The following HTATIP2 variants were observed in gnomAD, a reference collection of about 807,000 sequenced individuals.
HTATIP2 encodes HIV-1 Tat interactive protein 2.
A neutral mutation model predicts 24.7 loss-of-function variants in HTATIP2; 26 were observed. The observed-to-expected ratio is 1.05, with a 90% CI of 0.77 to 1.46. The LOEUF (loss-of-function observed/expected upper bound fraction) is 1.46. Ranked by LOEUF, HTATIP2 falls within the 40% of genes most tolerant of loss-of-function variation. The probability of loss-of-function intolerance (pLI) is 0.00; values close to 1 mark genes in which losing one functional copy is unlikely to be tolerated. For synonymous variants in HTATIP2, 99 were observed against 113.2 expected (o/e 0.87, Z 0.79); for missense variants, 284 against 289.6 (o/e 0.98, Z 0.14).
At chr11:20,380,897 T>C (rs1197609054) in intron 3 of HTATIP2, among the ~76,000 whole-genome samples, 4 of 152,118 alleles carry the variant, frequency 2.6e-5, no homozygotes, top group Non-Finnish European at 5.9e-5. Flanking sequence ...GAAAATATTA[T>C]GCTAAGTGTG....
At position 20,382,224 on chromosome 11, in the gene HTATIP2, C is replaced by A; in HGVS notation, c.488C>A (p.Ser163Tyr). 1 of 1,582,852 alleles carries A rather than the reference C, an allele frequency of 6.3e-7. No individual in the cohort carries two copies. The highest frequency in any genetic ancestry group is 8.7e-7 in the Non-Finnish European group (1 of 1,151,632). ...KVEELKFDRY[S>Y]VFRPGVLLCD... ...GAAGAATTAAAATTTGATCGTTACT[C>A]TGTATTTAGGCCTGGGTAAGTATAA... is the stretch of plus-strand genomic sequence containing the variant. The change falls in exon 4 of 5, where the codon TCT becomes TAT. Residue 163 changes from serine (S) to tyrosine (Y), a missense_variant. Coordinates refer to ENST00000451739, the MANE Select transcript of HTATIP2 (RefSeq NM_001098522.2).
chr11:20,369,188 A>T (rs1196817394), intron 2 of HTATIP2, among the ~76,000 whole-genome samples: 3 of 152,136 alleles, frequency 2.0e-5, no homozygotes, highest in Non-Finnish European at 4.4e-5. Flanking sequence ...TTTTAAGTGG[A>T]GGTTGTGGAT....
chr11:20,369,310 C>T (rs1049655944), intron 2 of HTATIP2, among the ~76,000 whole-genome samples: 1 of 152,194 alleles, frequency 6.6e-6, no homozygotes, highest in East Asian at 1.9e-4. Context: ...AACTAGTACG[C>T]TTCACTAGGG....
At chr11:20,382,929 T>C (rs754452957) in intron 4 of HTATIP2, 51 bp from the exon 5 acceptor site, 1 of 1,422,862 alleles carries the variant, frequency 7.0e-7, no homozygotes, top group African/African-American at 1.4e-5. Flanking sequence ...TCAGTGCAAT[T>C]TACCACCTCT....
chr11:20,364,403 A>G lies in HTATIP2; in HGVS notation c.166A>G (p.Thr56Ala). Residue 56 changes from threonine (T) to alanine (A), a missense_variant, in exon 1 of 5, where the codon ACC becomes GCC. By Grantham distance (58) the Thr-to-Ala change is moderately conservative. Coordinates refer to ENST00000451739, the MANE Select transcript of HTATIP2 (RefSeq NM_001098522.2). ...KVTLIGRRKL[T>A]FDEEAYKNVN... is the part of the protein sequence containing the mutation. The stretch of plus-strand genomic sequence containing the variant: ...CACGCTCATTGGCCGGAGGAAGCTC[A>G]CCTTCGACGAGGAAGCTTATAAAAA... The G allele has an allele frequency of 6.2e-7, 1 of 1,608,576 alleles. No homozygotes were observed. The highest frequency in any genetic ancestry group is 1.1e-5 in the South Asian group (1 of 90,808).
chr11:20,364,963 C>A (rs1207875955), intron 1 of HTATIP2, among the ~76,000 whole-genome samples: 2 of 150,854 alleles, frequency 1.3e-5, no homozygotes, highest in South Asian at 4.2e-4. Flanking sequence ...TCGGATATTC[C>A]CTTCACTCTA....
At position 20,383,456 on chromosome 11, in the gene HTATIP2, G is replaced by T; in HGVS notation, c.*251G>T. On this transcript the variant is annotated 3_prime_UTR_variant, in exon 5 of 5. Transcript: ENST00000451739. ...TCAAACTTGAATCAAAATTTCTGGG[G>T]TGTGGGCACAATAATCTGTAATTTT... 1 of 479,396 alleles carries T rather than the reference G, an allele frequency of 2.1e-6. No homozygotes were observed. Among genetic ancestry groups the T allele is most frequent in the East Asian group, 3.6e-5 (1 of 27,794 alleles). 29.7% of individuals were successfully genotyped at this position (479,396 alleles called of 1,614,324 possible). A position where few individuals can be genotyped will look rare whatever the true frequency, so the allele number is the denominator to read the frequency against.
chr11:20,367,599 G>T, intron 2 of HTATIP2: 1 of 1,343,222 alleles, frequency 7.4e-7, no homozygotes, highest in Non-Finnish European at 9.5e-7. Context: ...AAACTAATTG[G>T]TTTATGCTGT....
chr11:20,376,400 C>T (rs1484950980), intron 2 of HTATIP2, 180 bp from the exon 3 acceptor site: 7 of 637,958 alleles, frequency 1.1e-5, no homozygotes, highest in Admixed American at 3.2e-5. Context: ...TGTGCCTATC[C>T]AGAGGACCAG....
At chr11:20,373,237 G>A (rs2064790400) in intron 2 of HTATIP2, among the ~76,000 whole-genome samples, 1 of 152,030 alleles carries the variant, frequency 6.6e-6, no homozygotes, top group Admixed American at 6.6e-5. Context: ...AGGAGCGGTT[G>A]TCAGTCGTTA....
chr11:20,381,166 C>T (rs1005531628), intron 3 of HTATIP2, among the ~76,000 whole-genome samples: 4 of 151,978 alleles, frequency 2.6e-5, no homozygotes, highest in Middle Eastern at 3.2e-3. Flanking sequence ...TGGCCAAGCG[C>T]GGTGGCTCTC....
intron 3 of HTATIP2, among the ~76,000 whole-genome samples, chr11:20,380,671 C>CAAAAAAAA (rs35392320): frequency 8.6e-5 from 7 of 81,854 alleles, no homozygotes; most frequent in African/African-American, 1.9e-4. Context: ...GACTCCATCT[C>CAAAAAAAA]AAAAAAAAAA....
chr11:20,365,887 C>T (rs1327432964), intron 1 of HTATIP2, among the ~76,000 whole-genome samples: 1 of 149,370 alleles, frequency 6.7e-6, no homozygotes, highest in African/African-American at 2.5e-5. Context: ...GCGAGAATCA[C>T]TTGAACCCAG....
chr11:20,375,162 G>GGACT (rs1392145208), intron 2 of HTATIP2, among the ~76,000 whole-genome samples: 1 of 151,938 alleles, frequency 6.6e-6, no homozygotes, highest in Non-Finnish European at 1.5e-5. Flanking sequence ...TATCATGAGG[G>GGACT]GACTGGATGT....
intron 2 of HTATIP2, among the ~76,000 whole-genome samples, chr11:20,368,864 G>T (rs560910055): frequency 6.6e-6 from 1 of 152,126 alleles, no homozygotes; most frequent in Non-Finnish European, 1.5e-5. Context: ...GGTTCTTCAC[G>T]TCTCAGGCTA....
At chr11:20,376,427 A>G in intron 2 of HTATIP2, 153 bp from the exon 3 acceptor site, 1 of 809,676 alleles carries the variant, frequency 1.2e-6, no homozygotes, top group Non-Finnish European at 2.0e-6. Flanking sequence ...AGCCTTTCCC[A>G]GGGTCTAAGC....
At chr11:20,366,278 T>G (rs569395040) in intron 1 of HTATIP2, among the ~76,000 whole-genome samples, 3 of 151,516 alleles carry the variant, frequency 2.0e-5, no homozygotes, top group Admixed American at 6.6e-5. Flanking sequence ...ATTTTTTTTT[T>G]GCATTTTTAG....
chr11:20,364,207 G>C lies in HTATIP2; in HGVS notation c.-31G>C. ...GACTGGCAGTCCCCTGACACCCTAA[G>C]ACCGGCATCTGTCGATGTTATTTCC... On this transcript the variant is annotated 5_prime_UTR_variant, in exon 1 of 5. Transcript: ENST00000451739. 1 of 1,572,316 alleles carries C rather than the reference G, an allele frequency of 6.4e-7. No homozygotes were observed. The highest frequency in any genetic ancestry group is 8.7e-7 in the Non-Finnish European group (1 of 1,154,442).
chr11:20,381,485 T>A (rs1382671076), intron 3 of HTATIP2, among the ~76,000 whole-genome samples: 2 of 151,872 alleles, frequency 1.3e-5, no homozygotes, highest in African/African-American at 4.8e-5. Context: ...TTAAAAAATT[T>A]TTAAAAAGAA....
Sources: allele counts gnomAD v4.1 joint callset (sites outside exome capture counted in the v4.1 genomes callset), GRCh38; gene constraint gnomAD v4.1.1; transcripts MANE v1.5; gene names NCBI Gene and HGNC (gene_info 2026-07-23, HGNC 2026-07-21).